Variants in TTC28 observed in about 807,000 individuals in gnomAD.
The protein encoded by TTC28 is tetratricopeptide repeat protein 28.
Under a neutral mutation model 198.0 loss-of-function variants are expected in TTC28, and 61 were observed. The ratio of observed to expected loss-of-function variants is 0.31; its 90% CI spans 0.25 to 0.38. The LOEUF (loss-of-function observed/expected upper bound fraction) is 0.38. Among genes scored for constraint, TTC28 ranks in the 10% least tolerant of loss-of-function variants. The pLI is 1.00. For synonymous variants in TTC28, 1,171 were observed against 1,297.8 expected, an observed-to-expected ratio of 0.90 and a Z score of 2.10; for missense variants, 2,678 against 3,164.0, an observed-to-expected ratio of 0.85 and a Z score of 3.69.
At chr22:28,602,230 T>G (rs142074899) in intron 2 of TTC28, among the ~76,000 whole-genome samples, 2 of 152,190 alleles carry the variant, frequency 1.3e-5, no homozygotes, top group Non-Finnish European at 2.9e-5. Flanking sequence ...CCCAAATAAG[T>G]TGCCTGTAAT....
intron 6 of TTC28, among the ~76,000 whole-genome samples, chr22:28,148,448 C>T (rs1178636895): frequency 1.3e-5 from 2 of 152,072 alleles, no homozygotes; most frequent in African/African-American, 4.8e-5. Context: ...CCCATCTCTA[C>T]TAAAAATACA....
chr22:28,025,010 C>G (rs572098849), intron 13 of TTC28, among the ~76,000 whole-genome samples: 1 of 152,314 alleles, frequency 6.6e-6, no homozygotes, highest in African/African-American at 2.4e-5. Flanking sequence ...GATGCAGGAC[C>G]CCAGCCAGAA....
At position 28,001,499 on chromosome 22, in the gene TTC28, G is replaced by C. The variant is rs1252341264; in HGVS notation, c.4273C>G (p.Leu1425Val). ...GGAATGAGGTAGAGCTCCCCCTCCAGAACCAGGATGAGCTGCCGGTGCCGG... is the reference window on the plus strand; with the variant it reads ...GGAATGAGGTAGAGCTCCCCCTCCACAACCAGGATGAGCTGCCGGTGCCGG... Reference protein sequence around the residue: ...VGRHRQLILVLEGELYLIPFA... With the variant: ...VGRHRQLILVVEGELYLIPFA... Residue 1425 changes from leucine to valine, a missense_variant, in exon 15 of 23, where the codon CTG becomes GTG. Physicochemically the swap from Leu to Val is conservative, Grantham distance 32 (BLOSUM62 1). This residue lies in a region of TTC28 where 727 missense variants were observed against 861.9 expected (regional missense o/e 0.84). Coordinates refer to ENST00000397906, the MANE Select transcript of TTC28 (RefSeq NM_001145418.2). The C allele has an allele frequency of 1.3e-6, 2 of 1,551,364 alleles. No individual in the cohort carries two copies. The highest frequency in any genetic ancestry group is 2.7e-5 in the African/African-American group (2 of 73,082).
intron 5 of TTC28, among the ~76,000 whole-genome samples, chr22:28,194,692 G>A (rs554187178): frequency 6.2e-4 from 92 of 148,730 alleles, no homozygotes; most frequent in African/African-American, 2.3e-3. Context: ...AGAAGAAATG[G>A]ATAAATTCCT....
At chr22:28,655,041 C>T (rs532415381) in intron 1 of TTC28, among the ~76,000 whole-genome samples, 1 of 152,234 alleles carries the variant, frequency 6.6e-6, no homozygotes, top group South Asian at 2.1e-4. Context: ...ACCTCAATAT[C>T]TTTTCCTATA....
intron 6 of TTC28, among the ~76,000 whole-genome samples, chr22:28,113,648 T>C (rs2146919350): frequency 6.6e-6 from 1 of 152,346 alleles, no homozygotes; most frequent in South Asian, 2.1e-4. Context: ...AAAGTTCTCT[T>C]CCGTTAGAAA....
chr22:28,293,192 A>C (rs922194144), intron 5 of TTC28, among the ~76,000 whole-genome samples: 1 of 152,200 alleles, frequency 6.6e-6, no homozygotes, highest in Non-Finnish European at 1.5e-5. Flanking sequence ...TAACCAAGAT[A>C]TGGAAACAAC....
At chr22:28,442,216 C>A (rs2047633876) in intron 2 of TTC28, among the ~76,000 whole-genome samples, 1 of 152,168 alleles carries the variant, frequency 6.6e-6, no homozygotes, top group Non-Finnish European at 1.5e-5. Context: ...TCGATTCACA[C>A]ACGCTGGTGC....
chr22:28,035,764 T>C (rs1230482111), intron 12 of TTC28, among the ~76,000 whole-genome samples: 2 of 152,232 alleles, frequency 1.3e-5, no homozygotes, highest in African/African-American at 2.4e-5. Context: ...TGTCTATTTT[T>C]TCTTACTGAC....
At chr22:28,642,385 G>A (rs2051382493) in intron 1 of TTC28, among the ~76,000 whole-genome samples, 1 of 150,580 alleles carries the variant, frequency 6.6e-6, no homozygotes, top group Non-Finnish European at 1.5e-5. Flanking sequence ...CTAGACACTA[G>A]AGATAAACCC....
chr22:28,081,648 T>G (rs1414367479), intron 12 of TTC28, among the ~76,000 whole-genome samples: 2 of 151,972 alleles, frequency 1.3e-5, no homozygotes, highest in East Asian at 3.9e-4. Flanking sequence ...GTGCGCCACC[T>G]TGCCCAGCTA....
At chr22:28,207,598 G>C (rs990037784) in intron 5 of TTC28, among the ~76,000 whole-genome samples, 5 of 152,112 alleles carry the variant, frequency 3.3e-5, no homozygotes, top group Non-Finnish European at 5.9e-5. Flanking sequence ...CCAGAACATA[G>C]TAAGCGTACA....
chr22:28,649,233 G>A (rs2051528668), intron 1 of TTC28, among the ~76,000 whole-genome samples: 1 of 152,096 alleles, frequency 6.6e-6, no homozygotes, highest in Non-Finnish European at 1.5e-5. Context: ...ACAGGGCTAA[G>A]GGATAAAAAA....
intron 2 of TTC28, among the ~76,000 whole-genome samples, chr22:28,345,245 T>C (rs921918836): frequency 3.3e-5 from 5 of 152,102 alleles, no homozygotes; most frequent in Admixed American, 6.6e-5. Context: ...CAAAGGAATA[T>C]GTCATACTAC....
At chr22:28,651,637 C>A (rs116809336) in intron 1 of TTC28, among the ~76,000 whole-genome samples, 2,405 of 151,984 alleles carry the variant, frequency 0.016, 82 homozygotes, top group African/African-American at 0.056. Context: ...GTCTCAAACT[C>A]CTTGGCTCAA....
intron 2 of TTC28, among the ~76,000 whole-genome samples, chr22:28,622,333 T>C (rs866862964): frequency 1.1e-4 from 17 of 152,176 alleles, no homozygotes; most frequent in Non-Finnish European, 1.8e-4. Flanking sequence ...GAGTCACACA[T>C]GTACGGAACA....
chr22:28,347,323 C>T (rs1172028548), intron 2 of TTC28, among the ~76,000 whole-genome samples: 1 of 151,686 alleles, frequency 6.6e-6, no homozygotes, highest in Non-Finnish European at 1.5e-5. Flanking sequence ...AAAGTCATTG[C>T]CCTTTTCTCC....
intron 2 of TTC28, among the ~76,000 whole-genome samples, chr22:28,340,549 G>T (rs902496780): frequency 1.3e-5 from 2 of 151,814 alleles, no homozygotes; most frequent in African/African-American, 4.8e-5. Flanking sequence ...CCAAAGCAGG[G>T]CAACCTTCTC....
intron 1 of TTC28, among the ~76,000 whole-genome samples, chr22:28,638,675 C>T (rs1032068865): frequency 6.6e-6 from 1 of 152,070 alleles, no homozygotes; most frequent in Non-Finnish European, 1.5e-5. Flanking sequence ...CTCCATGTGG[C>T]TTTTAAACAC....
Sources: allele counts gnomAD v4.1 joint callset (sites outside exome capture counted in the v4.1 genomes callset), GRCh38; gene constraint gnomAD v4.1.1; regional missense constraint gnomAD v4.1.1; transcripts MANE v1.5; gene names NCBI Gene and HGNC (gene_info 2026-07-23, HGNC 2026-07-21).